Variants in BORCS5 observed in about 807,000 individuals in gnomAD.
The protein encoded by BORCS5 is BLOC-1-related complex subunit 5.
In BORCS5, 17 loss-of-function variants were observed where a neutral mutation model predicts 22.1. The ratio of observed to expected loss-of-function variants is 0.77; its 90% CI spans 0.53 to 1.15. The LOEUF is 1.15. Ranked by LOEUF, BORCS5 falls within the 50% of genes most tolerant of loss-of-function variation. BORCS5 has a pLI of 0.00. For synonymous variants in BORCS5, 117 were observed against 99.8 expected (o/e 1.17, Z -1.03); for missense variants, 247 against 253.2 (o/e 0.98, Z 0.17).
chr12:12,443,026 A>T (rs1942715716), intron 3 of BORCS5, among the ~76,000 whole-genome samples: 1 of 152,194 alleles, frequency 6.6e-6, no homozygotes, highest in African/African-American at 2.4e-5. Context: ...ACAGAGCATC[A>T]CTGTCTGAAC....
At chr12:12,465,129 G>A (rs1237521737) in intron 3 of BORCS5, among the ~76,000 whole-genome samples, 2 of 151,898 alleles carry the variant, frequency 1.3e-5, no homozygotes, top group Non-Finnish European at 2.9e-5. Context: ...ACACCACCAC[G>A]CCCATCTGCT....
At chr12:12,366,015 G>T (rs1863399482) in intron 2 of BORCS5, among the ~76,000 whole-genome samples, 1 of 151,882 alleles carries the variant, frequency 6.6e-6, no homozygotes, top group Admixed American at 6.6e-5. Flanking sequence ...ACGTTGTTCT[G>T]CCTGATAATT....
At chr12:12,410,684 G>A (rs186599555) in intron 2 of BORCS5, among the ~76,000 whole-genome samples, 1 of 151,944 alleles carries the variant, frequency 6.6e-6, no homozygotes, top group Admixed American at 6.5e-5. Context: ...TTGTTCTTTT[G>A]GCTTAGGATT....
At chr12:12,371,641 C>CT (rs1171052493) in intron 2 of BORCS5, among the ~76,000 whole-genome samples, 6 of 152,176 alleles carry the variant, frequency 3.9e-5, no homozygotes, top group Non-Finnish European at 8.8e-5. Context: ...AATATGTTCT[C>CT]TATGTTCTTT....
chr12:12,439,598 G>T (rs1450159013), intron 3 of BORCS5, among the ~76,000 whole-genome samples: 1 of 152,194 alleles, frequency 6.6e-6, no homozygotes, highest in Admixed American at 6.5e-5. Flanking sequence ...TCCAGTCTGG[G>T]CTACAGAGCA....
At chr12:12,438,371 A>AAAAAAAAAAAAAAAAAAAAAAAAAAAC (rs1565915549) in intron 3 of BORCS5, among the ~76,000 whole-genome samples, 2 of 117,054 alleles carry the variant, frequency 1.7e-5, no homozygotes, top group Admixed American at 7.9e-5. Context: ...AAAAAAAAAA[A>AAAAAAAAAAAAAAAAAAAAAAAAAAAC]AAAAAAAAAC....
At chr12:12,447,821 C>T (rs1280304292) in intron 3 of BORCS5, among the ~76,000 whole-genome samples, 1 of 152,170 alleles carries the variant, frequency 6.6e-6, no homozygotes, top group Non-Finnish European at 1.5e-5. Context: ...TCACTTTGGT[C>T]ACACAAACTT....
rs1188011190 is a variant in BORCS5, at chr12:12,470,456, C to T, written c.*4680C>T. 6.6e-6 allele frequency among the ~76,000 whole-genome samples: 1 copy of T among 152,134 alleles called. No individual in the cohort carries two copies. The highest frequency in any genetic ancestry group is 1.9e-4 in the East Asian group (1 of 5,188). On this transcript the variant is annotated 3_prime_UTR_variant, in exon 4 of 4. Transcript: ENST00000314565. ...TCAGAACAGACCCAGCATTAGACTCCCCTAAGAGCGTGAACCCTATTGTGA... is the reference window on the plus strand; with the variant it reads ...TCAGAACAGACCCAGCATTAGACTCTCCTAAGAGCGTGAACCCTATTGTGA...
At chr12:12,402,311 T>C (rs888199) in intron 2 of BORCS5, among the ~76,000 whole-genome samples, 150,311 of 152,292 alleles carry the variant, frequency 0.99, 74,205 homozygotes, top group East Asian at 1. Flanking sequence ...AAAAAAGAGT[T>C]GAGAGAGCAA....
intron 1 of BORCS5, among the ~76,000 whole-genome samples, chr12:12,358,512 GA>G (rs1441389897): frequency 6.6e-6 from 1 of 152,210 alleles, no homozygotes; most frequent in African/African-American, 2.4e-5. Flanking sequence ...TCTGTTATAA[GA>G]AATATAATAA....
intron 2 of BORCS5, among the ~76,000 whole-genome samples, chr12:12,414,168 C>T (rs1164773343): frequency 4.0e-5 from 4 of 100,126 alleles, no homozygotes. Context: ...GCTGACCCCC[C>T]CACCTCCCTC....
chr12:12,374,688 T>C (rs1239819417), intron 2 of BORCS5, among the ~76,000 whole-genome samples: 1 of 151,948 alleles, frequency 6.6e-6, no homozygotes, highest in Non-Finnish European at 1.5e-5. Context: ...TCGGGCACTG[T>C]AGTTCATGCC....
intron 2 of BORCS5, among the ~76,000 whole-genome samples, chr12:12,378,784 T>A (rs1278646553): frequency 6.6e-6 from 1 of 151,298 alleles, no homozygotes; most frequent in Non-Finnish European, 1.5e-5. Context: ...TATGTTAATA[T>A]TAAGGGGAAG....
chr12:12,444,212 TTA>T (rs1425380327), intron 3 of BORCS5, among the ~76,000 whole-genome samples: 5 of 152,164 alleles, frequency 3.3e-5, no homozygotes, highest in Admixed American at 3.3e-4. Flanking sequence ...AAAATAAAGG[TTA>T]TGAGGGTTGC....
chr12:12,376,362 T>C (rs1401552642), intron 2 of BORCS5, among the ~76,000 whole-genome samples: 3 of 151,686 alleles, frequency 2.0e-5, no homozygotes, highest in Non-Finnish European at 4.4e-5. Flanking sequence ...GCCTCCTGAG[T>C]AGCTGGGACT....
chr12:12,446,695 A>G (rs1350969376), intron 3 of BORCS5, among the ~76,000 whole-genome samples: 2 of 152,212 alleles, frequency 1.3e-5, no homozygotes, highest in African/African-American at 4.8e-5. Context: ...CAGACTGACT[A>G]TAGTATTATA....
At chr12:12,419,614 T>C (rs10772561) in intron 2 of BORCS5, among the ~76,000 whole-genome samples, 43,352 of 152,138 alleles carry the variant, frequency 0.28, 7,461 homozygotes, top group Non-Finnish European at 0.38. Context: ...CTTGAGGAAT[T>C]GCCACATTGT....
chr12:12,446,994 G>A (rs185163559), intron 3 of BORCS5, among the ~76,000 whole-genome samples: 16 of 152,278 alleles, frequency 1.1e-4, no homozygotes, highest in South Asian at 4.1e-4. Flanking sequence ...CATTAGTGGC[G>A]TAATACAGCA....
intron 2 of BORCS5, among the ~76,000 whole-genome samples, chr12:12,430,200 G>C (rs1942387576): frequency 7.8e-6 from 1 of 128,736 alleles, no homozygotes. Flanking sequence ...ACCCAGGCTG[G>C]AGTGCAGTGG....
Sources: allele counts gnomAD v4.1 joint callset (sites outside exome capture counted in the v4.1 genomes callset), GRCh38; gene constraint gnomAD v4.1.1; transcripts MANE v1.5; gene names NCBI Gene and HGNC (gene_info 2026-07-23, HGNC 2026-07-21).